The following COMMD1 variants were observed in gnomAD, a reference collection of about 807,000 sequenced individuals.
COMMD1 encodes copper metabolism domain containing 1.
COMMD1 carries 10 observed loss-of-function variants against 17.2 expected under a neutral mutation model. The ratio of observed to expected loss-of-function variants is 0.58; its 90% CI spans 0.36 to 0.99. COMMD1 has a LOEUF of 0.99. Ranked by LOEUF, COMMD1 falls within the 50% of genes least tolerant of loss-of-function variation. The pLI, the probability that COMMD1 is intolerant of heterozygous loss-of-function variation, is 0.01. For missense variants in COMMD1, 270 were observed against 231.8 expected (o/e 1.17, Z -1.07); for synonymous variants, 97 against 91.6 (o/e 1.06, Z -0.34).
intron 1 of COMMD1, among the ~76,000 whole-genome samples, chr2:61,966,938 A>G (rs184010063): frequency 6.6e-6 from 1 of 152,210 alleles, no homozygotes; most frequent in East Asian, 1.9e-4. Context: ...GTCAACTTGA[A>G]GTATTTTCCT....
At chr2:62,015,014 C>G (rs1669397274) in intron 2 of COMMD1, among the ~76,000 whole-genome samples, 1 of 152,132 alleles carries the variant, frequency 6.6e-6, no homozygotes, top group African/African-American at 2.4e-5. Context: ...AGCCTCAAGT[C>G]CTGGGCTCAA....
At chr2:62,100,671 C>A (rs1672153567) in intron 2 of COMMD1, among the ~76,000 whole-genome samples, 3 of 152,024 alleles carry the variant, frequency 2.0e-5, no homozygotes, top group African/African-American at 7.3e-5. Flanking sequence ...AAGGAAATGT[C>A]CAGGTTAAGG....
Position 62,097,071 on chromosome 2 carries a change from C to G in COMMD1, c.463-38760C>G, listed in dbSNP as rs182318262. Reference sequence around the variant, plus strand: ...ATACTGAAGAATGCACTACATAAATCAGTAACAGAGAAGTGGCTGGCAGTG... The same window carrying G: ...ATACTGAAGAATGCACTACATAAATGAGTAACAGAGAAGTGGCTGGCAGTG... On this transcript the variant is annotated intron_variant, in intron 2 of 2. Coordinates refer to ENST00000311832, the MANE Select transcript of COMMD1 (RefSeq NM_152516.4). Among the ~76,000 whole-genome samples the G allele has an allele frequency of 2.0e-3, 301 of 152,272 alleles. 1 individual carries two copies. The highest frequency in any genetic ancestry group is 3.5e-3 in the Non-Finnish European group (239 of 68,004).
intron 1 of COMMD1, among the ~76,000 whole-genome samples, chr2:61,942,999 A>G (rs1425659803): frequency 6.6e-6 from 1 of 152,206 alleles, no homozygotes; most frequent in African/African-American, 2.4e-5. Flanking sequence ...TGAGATATTA[A>G]CAGAGACTTA....
chr2:61,956,567 G>A (rs1261467669), intron 1 of COMMD1, among the ~76,000 whole-genome samples: 2 of 151,622 alleles, frequency 1.3e-5, no homozygotes, highest in African/African-American at 2.4e-5. Context: ...GCACCACCAC[G>A]CCTGGCTAAT....
chr2:61,993,386 T>C (rs1299780976), intron 1 of COMMD1, among the ~76,000 whole-genome samples: 1 of 152,272 alleles, frequency 6.6e-6, no homozygotes, highest in Non-Finnish European at 1.5e-5. Flanking sequence ...GGCATTTGTT[T>C]TTAACACTTT....
chr2:62,009,134 A>G (rs1323413299), intron 2 of COMMD1, among the ~76,000 whole-genome samples: 1 of 152,172 alleles, frequency 6.6e-6, no homozygotes, highest in Non-Finnish European at 1.5e-5. Context: ...TTCGTATTTT[A>G]TATCAGATTT....
intron 2 of COMMD1, among the ~76,000 whole-genome samples, chr2:62,099,658 T>C (rs1266692311): frequency 6.6e-6 from 1 of 152,074 alleles, no homozygotes; most frequent in African/African-American, 2.4e-5. Flanking sequence ...GGCAGCACTT[T>C]ACAGTGTTTC....
At chr2:61,901,553 G>A (rs2105164314), upstream of COMMD1, among the ~76,000 whole-genome samples, 1 of 152,174 alleles carries the variant, frequency 6.6e-6, no homozygotes, top group South Asian at 2.1e-4. Flanking sequence ...AATCCAGGAG[G>A]TGGAAGTTGC....
intron 1 of COMMD1, among the ~76,000 whole-genome samples, chr2:61,941,593 G>C (rs1364018126): frequency 6.6e-6 from 1 of 152,196 alleles, no homozygotes; most frequent in Non-Finnish European, 1.5e-5. Flanking sequence ...AGGGAGAGCA[G>C]GAAGTCCCGT....
intron 2 of COMMD1, among the ~76,000 whole-genome samples, chr2:62,067,893 G>T (rs1018969692): frequency 1.3e-5 from 2 of 152,138 alleles, no homozygotes; most frequent in Non-Finnish European, 2.9e-5. Flanking sequence ...GTATTTTGAG[G>T]TACAGTGTTC....
chr2:62,133,258 T>C (rs1673092087), intron 2 of COMMD1, among the ~76,000 whole-genome samples: 1 of 152,042 alleles, frequency 6.6e-6, no homozygotes, highest in African/African-American at 2.4e-5. Flanking sequence ...CAGTGTAGAC[T>C]CAGCTTAGCA....
At chr2:62,131,220 A>C (rs558495112) in intron 2 of COMMD1, among the ~76,000 whole-genome samples, 1 of 152,344 alleles carries the variant, frequency 6.6e-6, no homozygotes, top group East Asian at 1.9e-4. Context: ...AGTTTAATAC[A>C]CTGCTGTACT....
At chr2:61,947,085 A>G (rs1206033801) in intron 1 of COMMD1, among the ~76,000 whole-genome samples, 2 of 152,184 alleles carry the variant, frequency 1.3e-5, no homozygotes, top group African/African-American at 2.4e-5. Flanking sequence ...AGCATCTCAC[A>G]TGTTCTAGAA....
chr2:61,900,756 G>A (rs1185115670), upstream of COMMD1, among the ~76,000 whole-genome samples: 1 of 152,022 alleles, frequency 6.6e-6, no homozygotes, highest in Non-Finnish European at 1.5e-5. Flanking sequence ...GAAAACTAGG[G>A]GGTTTATAGA....
chr2:62,062,712 A>G (rs1362788981), intron 2 of COMMD1, among the ~76,000 whole-genome samples: 1 of 152,140 alleles, frequency 6.6e-6, no homozygotes, highest in Non-Finnish European at 1.5e-5. Flanking sequence ...ATGTCTTAAG[A>G]TTTATCAGTA....
intron 2 of COMMD1, among the ~76,000 whole-genome samples, chr2:62,093,221 A>T (rs528188414): frequency 1.3e-5 from 2 of 152,356 alleles, no homozygotes; most frequent in South Asian, 4.1e-4. Context: ...TGATGGCGGC[A>T]TCTGGATAAA....
intron 2 of COMMD1, among the ~76,000 whole-genome samples, chr2:62,082,095 A>G (rs1354065102): frequency 6.6e-6 from 1 of 152,222 alleles, no homozygotes; most frequent in Admixed American, 6.5e-5. Context: ...TTTGACATTT[A>G]TCACTGGATG....
intron 2 of COMMD1, among the ~76,000 whole-genome samples, chr2:62,115,665 A>G (rs1453432726): frequency 6.6e-6 from 1 of 152,220 alleles, no homozygotes; most frequent in Non-Finnish European, 1.5e-5. Context: ...GTTAGGAAAT[A>G]TACACTAAGC....
Sources: allele counts gnomAD v4.1 joint callset (sites outside exome capture counted in the v4.1 genomes callset), GRCh38; gene constraint gnomAD v4.1.1; transcripts MANE v1.5; gene names NCBI Gene and HGNC (gene_info 2026-07-23, HGNC 2026-07-21).